BCO1: variants seen among roughly 807,000 people sequenced by gnomAD.
The protein encoded by BCO1 is beta-carotene oxygenase 1.
A neutral mutation model predicts 56.3 loss-of-function variants in BCO1; 54 were observed. The ratio of observed to expected loss-of-function variants is 0.96; its 90% CI spans 0.77 to 1.20. BCO1 has a LOEUF of 1.20. Among genes scored for constraint, BCO1 ranks in the 50% most tolerant of loss-of-function variants. BCO1 has a pLI of 0.00. For synonymous variants in BCO1, 318 were observed against 266.1 expected (o/e 1.20, Z -1.90); for missense variants, 801 against 690.9 (o/e 1.16, Z -1.79).
At chr16:81,246,737 G>T (rs1597345061) in intron 2 of BCO1, among the ~76,000 whole-genome samples, 1 of 151,732 alleles carries the variant, frequency 6.6e-6, no homozygotes, top group East Asian at 1.9e-4. Context: ...TGTAATCCCA[G>T]CTACTAGGGA....
chr16:81,284,815 TTTTG>T (rs1298029308), intron 8 of BCO1, among the ~76,000 whole-genome samples: 1 of 150,100 alleles, frequency 6.7e-6, no homozygotes, highest in Non-Finnish European at 1.5e-5. Flanking sequence ...TTTTGTTTTG[TTTTG>T]TTTTCTTTTC....
chr16:81,239,224 C>T (rs1905006236), intron 1 of BCO1, among the ~76,000 whole-genome samples: 1 of 151,940 alleles, frequency 6.6e-6, no homozygotes, highest in Non-Finnish European at 1.5e-5. Flanking sequence ...AGCATGTTGG[C>T]CAGGCTGGTC....
At chr16:81,256,879 C>G (rs1379264099) in intron 2 of BCO1, among the ~76,000 whole-genome samples, 1 of 151,498 alleles carries the variant, frequency 6.6e-6, no homozygotes, top group Admixed American at 6.6e-5. Flanking sequence ...CAGAGTGACT[C>G]CATCTCAAAA....
intron 2 of BCO1, among the ~76,000 whole-genome samples, chr16:81,253,001 C>G (rs1371858889): frequency 6.6e-6 from 1 of 152,048 alleles, no homozygotes; most frequent in Non-Finnish European, 1.5e-5. Context: ...GCCACCTACT[C>G]AGGATGCTGA....
At chr16:81,266,192 C>G (rs1906817620) in intron 5 of BCO1, among the ~76,000 whole-genome samples, 1 of 152,244 alleles carries the variant, frequency 6.6e-6, no homozygotes, top group African/African-American at 2.4e-5. Flanking sequence ...GATCCCTGCC[C>G]TGTTCTCCAG....
At chr16:81,290,313 C>G (rs1011548962) in intron 10 of BCO1, 35 bp from the exon 11 acceptor site, 2 of 1,566,116 alleles carry the variant, frequency 1.3e-6, no homozygotes, top group Non-Finnish European at 1.8e-6. Context: ...GAAGCCTGCA[C>G]TTTTACGAAG....
intron 8 of BCO1, among the ~76,000 whole-genome samples, chr16:81,282,641 C>A (rs1381122552): frequency 2.6e-5 from 4 of 151,970 alleles, no homozygotes; most frequent in Non-Finnish European, 5.9e-5. Flanking sequence ...GCATCAACCC[C>A]CAACCCCCAT....
chr16:81,268,194 C>T (rs1449761847), intron 6 of BCO1, 63 bp downstream of exon 6: 3 of 1,472,486 alleles, frequency 2.0e-6, no homozygotes, highest in Admixed American at 1.7e-5. Flanking sequence ...GGCTGGTGTG[C>T]AGGAGGGTGA....
rs546485404 is a variant in BCO1, at chr16:81,257,950, A to G, written c.194-1726A>G. Among the ~76,000 whole-genome samples, 28 of 151,606 alleles carry G rather than the reference A, an allele frequency of 1.8e-4. No individual in the cohort carries two copies. In the South Asian group the frequency reaches 5.4e-3, roughly 29 times the overall value. ...GAAGGATCTTGAGATGGGGGAGGTG[A>G]TCTGACATTAGGGATGGGCCCAGTG... On this transcript the variant is annotated intron_variant, in intron 2 of 10. Coordinates refer to ENST00000258168, the MANE Select transcript of BCO1 (RefSeq NM_017429.3).
At chr16:81,242,539 G>A (rs569680508) in intron 1 of BCO1, among the ~76,000 whole-genome samples, 3 of 152,086 alleles carry the variant, frequency 2.0e-5, no homozygotes, top group African/African-American at 7.2e-5. Context: ...ACATCCCCCT[G>A]TATTTAGTCA....
intron 7 of BCO1, among the ~76,000 whole-genome samples, chr16:81,277,443 T>G (rs1271974294): frequency 6.6e-6 from 1 of 152,238 alleles, no homozygotes; most frequent in Non-Finnish European, 1.5e-5. Context: ...GCACGATGTG[T>G]GTGGCCCTGG....
intron 4 of BCO1, chr16:81,262,524 A>T (rs1052708533): frequency 7.9e-6 from 4 of 503,974 alleles, no homozygotes; most frequent in Admixed American, 6.0e-5. Context: ...TACAAAAAAG[A>T]TTGCTTTAAA....
At chr16:81,246,591 C>T (rs2151926984) in intron 2 of BCO1, among the ~76,000 whole-genome samples, 1 of 141,310 alleles carries the variant, frequency 7.1e-6, no homozygotes, top group East Asian at 2.1e-4. Context: ...TGGCTCATGC[C>T]TGTAATTCCA....
chr16:81,276,009 G>C (rs577876149), intron 7 of BCO1, among the ~76,000 whole-genome samples: 1 of 152,360 alleles, frequency 6.6e-6, no homozygotes, highest in East Asian at 1.9e-4. Context: ...CCCGAGGTTC[G>C]TGTGCACCCA....
At chr16:81,251,651 A>G (rs1905804490) in intron 2 of BCO1, among the ~76,000 whole-genome samples, 1 of 152,114 alleles carries the variant, frequency 6.6e-6, no homozygotes, top group East Asian at 1.9e-4. Flanking sequence ...GAAGGGTACA[A>G]GAACACTCCT....
At chr16:81,239,893 A>G (rs948294134) in intron 1 of BCO1, among the ~76,000 whole-genome samples, 3 of 152,084 alleles carry the variant, frequency 2.0e-5, no homozygotes, top group Admixed American at 6.6e-5. Context: ...GGGTCCCCAG[A>G]GTGGTGCTCG....
intron 9 of BCO1, among the ~76,000 whole-genome samples, chr16:81,286,661 C>A (rs1908197262): frequency 6.6e-6 from 1 of 151,602 alleles, no homozygotes; most frequent in Admixed American, 6.6e-5. Flanking sequence ...CCAGCTTGGT[C>A]AACAATAGCA....
In BCO1 at chr16:81,264,678, G is replaced by A. The variant is rs149029789; in HGVS notation, c.510G>A (p.Thr170=). The change falls in exon 5 of 11, where the codon ACG becomes ACA. Residue 170 remains threonine (T), a synonymous_variant. Coordinates refer to ENST00000258168, the MANE Select transcript of BCO1 (RefSeq NM_017429.3). ...AATACGTGGCGGTAAATCTGGCAACGTCACATCCCCATTATGATGAGGCTG... is the reference window on the plus strand; with the variant it reads ...AATACGTGGCGGTAAATCTGGCAACATCACATCCCCATTATGATGAGGCTG... ...YRKYVAVNLA[T]SHPHYDEAGN... 722 of 1,614,042 alleles carry A rather than the reference G, an allele frequency of 4.5e-4. No homozygotes were observed. The highest frequency in any genetic ancestry group is 4.6e-4 in the Non-Finnish European group (547 of 1,180,012).
chr16:81,283,379 C>T (rs1165900660), intron 8 of BCO1, among the ~76,000 whole-genome samples: 1 of 151,622 alleles, frequency 6.6e-6, no homozygotes, highest in Non-Finnish European at 1.5e-5. Flanking sequence ...CATCTGAGGT[C>T]AAGAGTTTGA....
Sources: gnomAD v4.1 joint callset for allele counts (sites outside exome capture counted in the v4.1 genomes callset) on GRCh38, gnomAD v4.1.1 for gene constraint, MANE v1.5 for transcripts, NCBI Gene and HGNC (gene_info 2026-07-23, HGNC 2026-07-21) for gene names.